The following SPTY2D1 variants were observed in gnomAD, a reference collection of about 807,000 sequenced individuals.
The protein encoded by SPTY2D1 is SPT2 chromatin protein domain containing 1, also known as protein SPT2 homolog.
In SPTY2D1, 21 loss-of-function variants were observed where a neutral mutation model predicts 64.0. The observed-to-expected ratio is 0.33, with a 90% CI of 0.23 to 0.47. The LOEUF (loss-of-function observed/expected upper bound fraction) is 0.47, where lower values mean the gene tolerates loss of function less well. Ranked by LOEUF, SPTY2D1 falls within the 20% of genes least tolerant of loss-of-function variation. The probability of loss-of-function intolerance (pLI) is 1.00; values close to 1 mark genes in which losing one functional copy is unlikely to be tolerated. For missense variants in SPTY2D1, 724 were observed against 837.2 expected, an observed-to-expected ratio of 0.86 and a Z score of 1.67; for synonymous variants, 287 against 286.8, an observed-to-expected ratio of 1.00 and a Z score of -0.01.
Position 18,612,889 on chromosome 11 carries a change from C to G in SPTY2D1, c.1712-401G>C, listed in dbSNP as rs528336964. Among the ~76,000 whole-genome samples the G allele has an allele frequency of 3.1e-4, 47 of 152,082 alleles. No homozygotes were observed. The highest frequency in any genetic ancestry group is 1.1e-3 in the African/African-American group (46 of 41,480). ...AAGCAATTCTCCTGCCTCAGCCTCC[C>G]GAGTAGCTGGGATTATAGGCATGTG... On this transcript the variant is annotated intron_variant, in intron 3 of 5. Transcript: ENST00000336349. This position sits in a 1 kb window ranked among gnomAD's most constrained non-coding sequence, Gnocchi z 4.6.
At chr11:18,617,117 G>A in intron 1 of SPTY2D1, 128 bp from the exon 2 acceptor site, 1 of 693,802 alleles carries the variant, frequency 1.4e-6, no homozygotes, top group Non-Finnish European at 2.4e-6. Context: ...ATAATTGAGA[G>A]ATCATATAAC....
At position 18,612,424 on chromosome 11, in the gene SPTY2D1, G is replaced by A. The variant is rs11605097; in HGVS notation, c.1776C>T (p.Asp592=). The change falls in exon 4 of 6, where the codon GAC becomes GAT. Residue 592 remains aspartate (D), a synonymous_variant. Transcript: ENST00000336349. This position sits in a 1 kb window ranked among gnomAD's most constrained non-coding sequence, Gnocchi z 4.6. The stretch of plus-strand genomic sequence containing the variant: ...TTTCAGAGTCGTATTCATCATCATC[G>A]TCATCTTCCTCTTCATATTCTCGCT... ...KRQREYEEED[D]DDDEYDSEME... is the part of the protein sequence containing the mutation. 697,816 of 1,605,666 alleles carry A rather than the reference G, an allele frequency of 0.43. 155,868 individuals are homozygous for A. Among genetic ancestry groups the A allele is most frequent in the Middle Eastern group, 0.47 (2,853 of 6,040 alleles).
rs547657283 is a variant in SPTY2D1, at chr11:18,610,155, ACT to A, written c.1965-203_1965-202del. ...GACTCAAATTGTCGTGGGAAAAAGA[ACT>A]CACACACCACAAAAACCTTACTATT... On this transcript the variant is annotated intron_variant, in intron 5 of 5. Transcript: ENST00000336349. 17 of 488,770 alleles carry A rather than the reference ACT, an allele frequency of 3.5e-5. 1 individual carries two copies. In the Admixed American group the frequency reaches 6.3e-4, roughly 18 times the overall value. 30.3% of individuals were successfully genotyped at this position (488,770 alleles called of 1,614,324 possible).
Position 18,615,439 on chromosome 11 carries a change from A to T in SPTY2D1, c.835T>A (p.Ser279Thr). Residue 279 changes from serine (S) to threonine (T), a missense_variant, in exon 3 of 6, where the codon TCA becomes ACA. Coordinates refer to ENST00000336349, the MANE Select transcript of SPTY2D1 (RefSeq NM_194285.3). The part of the protein sequence containing the change: ...MANEKHLALS[S>T]SKSMPGERIK... ...CTCTCTCCTGGCATGGATTTGGATGAAGACAAAGCGAGGTGTTTCTCATTG... is the reference window on the plus strand; with the variant it reads ...CTCTCTCCTGGCATGGATTTGGATGTAGACAAAGCGAGGTGTTTCTCATTG... The T allele has an allele frequency of 6.2e-7, 1 of 1,614,204 alleles. No homozygotes were observed. The highest frequency in any genetic ancestry group is 8.5e-7 in the Non-Finnish European group (1 of 1,180,024).
chr11:18,616,913 G>T lies in SPTY2D1; in HGVS notation c.137C>A (p.Ala46Asp), dbSNP rs909701436. The change falls in exon 2 of 6, where the codon GCT (alanine) becomes GAT (aspartate). Residue 46 changes from alanine to aspartate, a missense_variant. Coordinates refer to ENST00000336349, the MANE Select transcript of SPTY2D1 (RefSeq NM_194285.3). Reference sequence around the variant, plus strand: ...CTCCTCTTCTTTCCTTTTAAGAAAAGCTTGTACAGCTGCTGATTGGACACC... The same window carrying T: ...CTCCTCTTCTTTCCTTTTAAGAAAATCTTGTACAGCTGCTGATTGGACACC... Reference protein sequence around the residue: ...VKGVQSAAVQAFLKRKEEELR... With the variant: ...VKGVQSAAVQDFLKRKEEELR... 3 of 1,614,006 alleles carry T rather than the reference G, an allele frequency of 1.9e-6. No individual in the cohort carries two copies. The highest frequency in any genetic ancestry group is 2.5e-6 in the Non-Finnish European group (3 of 1,180,012).
At chr11:18,634,052 G>A (rs1854629639) in intron 1 of SPTY2D1, 146 bp downstream of exon 1, 2 of 874,718 alleles carry the variant, frequency 2.3e-6, no homozygotes, top group Non-Finnish European at 3.6e-6. Flanking sequence ...GTTCCCAAGA[G>A]TATAAACCCA....
Position 18,609,902 on chromosome 11 carries a change from C to T in SPTY2D1, c.2017G>A (p.Glu673Lys). 6.2e-7 allele frequency: 1 copy of T among 1,614,078 alleles called. No individual in the cohort carries two copies. The highest frequency in any genetic ancestry group is 8.5e-7 in the Non-Finnish European group (1 of 1,179,966). Residue 673 changes from glutamate to lysine, a missense_variant, in exon 6 of 6, where the codon GAA becomes AAA. Glu to Lys is a moderately conservative substitution (Grantham distance 56, BLOSUM62 1). This residue lies in a region of SPTY2D1 where 119 missense variants were observed against 172.9 expected (regional missense o/e 0.69). Transcript: ENST00000336349. ...DLEEMRREEE[E>K]MQRRRAKKLK... The stretch of plus-strand genomic sequence containing the variant: ...TTCTTGGCCCTTCGACGTTGCATTT[C>T]TTCTTCTTCACGTCTCATTTCCTCT...
chr11:18,626,768 GTTAA>G (rs1222655560), intron 1 of SPTY2D1, among the ~76,000 whole-genome samples: 13 of 152,180 alleles, frequency 8.5e-5, no homozygotes, highest in Non-Finnish European at 1.6e-4. Context: ...CACTATAAAG[GTTAA>G]TTGTTATTCA....
chr11:18,634,342 T>G lies in SPTY2D1; in HGVS notation c.-85A>C. 6.8e-7 allele frequency: 1 copy of G among 1,467,118 alleles called. No homozygotes were observed. Among genetic ancestry groups the G allele is most frequent in the Non-Finnish European group, 9.5e-7 (1 of 1,053,398 alleles). The allele number at this position is 1,467,118 out of a possible 1,614,324, so 90.9% of individuals were successfully genotyped here. On this transcript the variant is annotated 5_prime_UTR_variant, in exon 1 of 6. Coordinates refer to ENST00000336349, the MANE Select transcript of SPTY2D1 (RefSeq NM_194285.3). Reference sequence around the variant, plus strand: ...ACCGAGGCGCCCAGCTACAGCCAACTGCACTGCCTCGGGAGCCCCACTCCC... The same window carrying G: ...ACCGAGGCGCCCAGCTACAGCCAACGGCACTGCCTCGGGAGCCCCACTCCC...
At chr11:18,622,044 G>A (rs552296581) in intron 1 of SPTY2D1, among the ~76,000 whole-genome samples, 3 of 111,392 alleles carry the variant, frequency 2.7e-5, no homozygotes, top group Non-Finnish European at 5.0e-5. Flanking sequence ...CCATGGTTGT[G>A]CTATGGCACT....
chr11:18,615,202 T>A lies in SPTY2D1; in HGVS notation c.1072A>T (p.Thr358Ser). ...GGACTCTTAGCCTTATTGTGTGGGG[T>A]GACCATGGGCCCAGGCCTGGAATGG... The part of the protein sequence containing the change: ...PSHSRPGPMV[T>S]PHNKAKSPGV... Residue 358 changes from threonine to serine, a missense_variant, in exon 3 of 6, where the codon ACC becomes TCC. Around this residue, in one of 3 missense-constraint regions of SPTY2D1, gnomAD observed 426 missense variants for 431.8 expected, o/e 0.99. Transcript: ENST00000336349. 1 of 1,614,196 alleles carries A rather than the reference T, an allele frequency of 6.2e-7. No individual in the cohort carries two copies. The highest frequency in any genetic ancestry group is 8.5e-7 in the Non-Finnish European group (1 of 1,180,032).
At position 18,630,645 on chromosome 11, in the gene SPTY2D1, G is replaced by T. The variant is rs1014431680; in HGVS notation, c.60+3553C>A. 7.8e-4 allele frequency among the ~76,000 whole-genome samples: 119 copies of T among 152,186 alleles called. 1 individual carries two copies. Among genetic ancestry groups the T allele is most frequent in the African/African-American group, 2.5e-3 (105 of 41,440 alleles). ...GCATTAGCTCTGATAGGTTCCAAAT[G>T]AAGGTGGGAGAAGAAGTTGGCGAAC... is the stretch of plus-strand genomic sequence containing the variant. On this transcript the variant is annotated intron_variant, in intron 1 of 5. Transcript: ENST00000336349.
intron 1 of SPTY2D1, among the ~76,000 whole-genome samples, chr11:18,619,742 C>G (rs1285464027): frequency 6.6e-6 from 1 of 151,960 alleles, no homozygotes; most frequent in East Asian, 1.9e-4. Flanking sequence ...GGTGACAGAG[C>G]AAGACTCCGT....
chr11:18,630,814 A>T (rs540013378), intron 1 of SPTY2D1, among the ~76,000 whole-genome samples: 1 of 151,868 alleles, frequency 6.6e-6, no homozygotes, highest in Non-Finnish European at 1.5e-5. Flanking sequence ...GTCTTTTTTT[A>T]TTTTATTTTA....
At chr11:18,617,097 C>T in intron 1 of SPTY2D1, 108 bp from the exon 2 acceptor site, 1 of 834,384 alleles carries the variant, frequency 1.2e-6, no homozygotes, top group Non-Finnish European at 1.9e-6. Context: ...AACTGTGAAA[C>T]CTATTCTGAA....
chr11:18,630,124 A>G (rs1476372195), intron 1 of SPTY2D1, among the ~76,000 whole-genome samples: 1 of 151,910 alleles, frequency 6.6e-6, no homozygotes, highest in African/African-American at 2.4e-5. Flanking sequence ...AGCCAAGACC[A>G]TGCCACTGCA....
In SPTY2D1 at chr11:18,609,495, T is replaced by C; in HGVS notation, c.*366A>G. The C allele has an allele frequency of 4.8e-6, 1 of 206,616 alleles. No individual in the cohort carries two copies. The highest frequency in any genetic ancestry group is 8.9e-5 in the South Asian group (1 of 11,256). The allele number at this position is 206,616 out of a possible 1,614,324, so 12.8% of individuals were successfully genotyped here. On this transcript the variant is annotated 3_prime_UTR_variant, in exon 6 of 6. Coordinates refer to ENST00000336349, the MANE Select transcript of SPTY2D1 (RefSeq NM_194285.3). ...CCCTACTCACAGATCAGCAGAAGAA[T>C]TACAGAAATCAAGAGACAACCTTTT...
intron 1 of SPTY2D1, among the ~76,000 whole-genome samples, chr11:18,625,726 A>G (rs890588536): frequency 7.3e-6 from 1 of 136,132 alleles, no homozygotes; most frequent in African/African-American, 2.7e-5. Flanking sequence ...ACAACTGGCT[A>G]TTAATAATTT....
intron 1 of SPTY2D1, among the ~76,000 whole-genome samples, chr11:18,627,878 C>A (rs377160207): frequency 2.1e-5 from 3 of 143,914 alleles, no homozygotes; most frequent in Non-Finnish European, 3.0e-5. Context: ...GACTCCGTCT[C>A]AAAAAAAAAA....
Sources: allele counts gnomAD v4.1 joint callset (sites outside exome capture counted in the v4.1 genomes callset), GRCh38; gene constraint gnomAD v4.1.1; regional missense constraint gnomAD v4.1.1; non-coding constraint Gnocchi (gnomAD v3.1); transcripts MANE v1.5; gene names NCBI Gene and HGNC (gene_info 2026-07-23, HGNC 2026-07-21).